The following PDE1A variants were observed in gnomAD, a reference collection of about 807,000 sequenced individuals.
PDE1A encodes phosphodiesterase 1A.
Under a neutral mutation model 61.7 loss-of-function variants are expected in PDE1A, and 35 were observed. That is an observed-to-expected ratio of 0.57 (90% CI 0.43 to 0.75). The LOEUF (loss-of-function observed/expected upper bound fraction) is 0.75, where lower values mean the gene tolerates loss of function less well. PDE1A is among the 30% of genes least tolerant of loss of function. PDE1A has a pLI of 0.00. For synonymous variants in PDE1A, 232 were observed against 213.2 expected, an observed-to-expected ratio of 1.09 and a Z score of -0.77; for missense variants, 597 against 630.6, an observed-to-expected ratio of 0.95 and a Z score of 0.57.
At chr2:182,487,936 C>G (rs1216966690) in intron 2 of PDE1A, among the ~76,000 whole-genome samples, 1 of 152,030 alleles carries the variant, frequency 6.6e-6, no homozygotes, top group Non-Finnish European at 1.5e-5. Context: ...TCATTAATGT[C>G]AGAAAAAATA....
chr2:182,666,627 T>C, the PDE1A span, among the ~76,000 whole-genome samples: 1 of 151,004 alleles, frequency 6.6e-6, no homozygotes, highest in Non-Finnish European at 1.5e-5. Flanking sequence ...AAAAAAATTA[T>C]AGACAATAAC....
chr2:182,698,515 A>G, the PDE1A span, among the ~76,000 whole-genome samples: 1 of 152,256 alleles, frequency 6.6e-6, no homozygotes, highest in African/African-American at 2.4e-5. Flanking sequence ...TATATACTAT[A>G]GCATTATTAA....
chr2:182,258,478 T>C (rs764584864), intron 2 of PDE1A, among the ~76,000 whole-genome samples: 2 of 152,186 alleles, frequency 1.3e-5, no homozygotes, highest in Non-Finnish European at 2.9e-5. Flanking sequence ...ATGGAGAACA[T>C]ATTCAAACAG....
intron 2 of PDE1A, among the ~76,000 whole-genome samples, chr2:182,502,238 G>A (rs1329583395): frequency 6.6e-6 from 1 of 152,116 alleles, no homozygotes; most frequent in Non-Finnish European, 1.5e-5. Context: ...TAGATAAGCC[G>A]CCCTGCTCCT....
At chr2:182,145,216 C>T (rs538177720), downstream of PDE1A, among the ~76,000 whole-genome samples, 10 of 152,176 alleles carry the variant, frequency 6.6e-5, no homozygotes, top group Admixed American at 1.3e-4. Flanking sequence ...AACTCAGTTG[C>T]AGCAGAATTC....
At chr2:182,341,727 CT>C (rs2125041631) in intron 1 of PDE1A, among the ~76,000 whole-genome samples, 2 of 152,256 alleles carry the variant, frequency 1.3e-5, no homozygotes, top group South Asian at 4.1e-4. Flanking sequence ...GTGACACTTT[CT>C]TTGAATAAGC....
chr2:182,461,594 C>G (rs1686291238), intron 2 of PDE1A, among the ~76,000 whole-genome samples: 1 of 152,134 alleles, frequency 6.6e-6, no homozygotes, highest in Non-Finnish European at 1.5e-5. Flanking sequence ...ATGGAGTGCA[C>G]AATCTAACCC....
intron 6 of PDE1A, among the ~76,000 whole-genome samples, chr2:182,224,728 G>A (rs1289776659): frequency 6.6e-6 from 1 of 151,786 alleles, no homozygotes; most frequent in African/African-American, 2.4e-5. Context: ...AACCACATGT[G>A]ACTGTTTAAG....
At chr2:182,701,576 T>A in the PDE1A span, among the ~76,000 whole-genome samples, 1 of 151,512 alleles carries the variant, frequency 6.6e-6, no homozygotes, top group South Asian at 2.1e-4. Flanking sequence ...GAGACGGGGT[T>A]TCGCCATGTT....
chr2:182,612,255 GAT>G, the PDE1A span, among the ~76,000 whole-genome samples: 5 of 152,152 alleles, frequency 3.3e-5, no homozygotes, highest in Admixed American at 1.3e-4. Context: ...CTTAGACAAA[GAT>G]ATCAATTTCA....
At chr2:182,323,121 A>G (rs1425979896) in intron 1 of PDE1A, among the ~76,000 whole-genome samples, 1 of 152,220 alleles carries the variant, frequency 6.6e-6, no homozygotes, top group Non-Finnish European at 1.5e-5. Flanking sequence ...GCTTGAACAA[A>G]TAAATCTAAA....
chr2:182,532,393 A>T, the PDE1A span, among the ~76,000 whole-genome samples: 10 of 152,196 alleles, frequency 6.6e-5, no homozygotes, highest in African/African-American at 1.9e-4. Flanking sequence ...TAAATTTTTT[A>T]AAAAACTTTT....
chr2:182,419,081 A>C (rs1167506556), intron 1 of PDE1A, among the ~76,000 whole-genome samples: 1 of 152,184 alleles, frequency 6.6e-6, no homozygotes, highest in Middle Eastern at 3.2e-3. Flanking sequence ...AAAAAAAAAA[A>C]AACATTGTAC....
chr2:182,353,697 GTTTCAATTC>G (rs1341677752), intron 1 of PDE1A, among the ~76,000 whole-genome samples: 1 of 152,018 alleles, frequency 6.6e-6, no homozygotes, highest in Non-Finnish European at 1.5e-5. Context: ...AAACCTATCT[GTTTCAATTC>G]TGTGAGATCG....
intron 1 of PDE1A, among the ~76,000 whole-genome samples, chr2:182,342,480 G>A (rs1343335348): frequency 9.9e-5 from 15 of 152,096 alleles, no homozygotes; most frequent in African/African-American, 3.1e-4. Context: ...TCAGGAGATG[G>A]AGACCATCCT....
intron 13 of PDE1A, among the ~76,000 whole-genome samples, chr2:182,153,786 G>A (rs958238824): frequency 6.6e-6 from 1 of 152,114 alleles, no homozygotes; most frequent in Non-Finnish European, 1.5e-5. Flanking sequence ...GCAACATGGG[G>A]CTGCTCTGAT....
chr2:182,244,486 CCAT>C (rs1690803756), intron 2 of PDE1A, among the ~76,000 whole-genome samples: 1 of 152,014 alleles, frequency 6.6e-6, no homozygotes, highest in African/African-American at 2.4e-5. Flanking sequence ...TTTTCCTCCT[CCAT>C]TTGCTGACTG....
At chr2:182,655,610 A>C in the PDE1A span, among the ~76,000 whole-genome samples, 1 of 152,214 alleles carries the variant, frequency 6.6e-6, no homozygotes, top group Non-Finnish European at 1.5e-5. Flanking sequence ...CTAGACAATG[A>C]GAGAAGGAAG....
chr2:182,492,027 C>T (rs6740244), intron 2 of PDE1A, among the ~76,000 whole-genome samples: 61,958 of 151,778 alleles, frequency 0.41, 12,940 homozygotes, highest in African/African-American at 0.47. Flanking sequence ...GACCTGATGC[C>T]CCACTGCTTG....
Sources: allele counts gnomAD v4.1 joint callset (sites outside exome capture counted in the v4.1 genomes callset), GRCh38; gene constraint gnomAD v4.1.1; transcripts MANE v1.5; gene names NCBI Gene and HGNC (gene_info 2026-07-23, HGNC 2026-07-21).